Variants in FAT3 observed in about 807,000 individuals in gnomAD.
FAT3 encodes FAT atypical cadherin 3, also known as protocadherin Fat 3.
Under a neutral mutation model 310.2 loss-of-function variants are expected in FAT3, and 95 were observed. That is an observed-to-expected ratio of 0.31 (90% CI 0.26 to 0.36). The LOEUF (loss-of-function observed/expected upper bound fraction) is 0.36, where lower values mean the gene tolerates loss of function less well. FAT3 is among the 10% of genes least tolerant of loss of function. The probability of loss-of-function intolerance (pLI) is 1.00; values close to 1 mark genes in which losing one functional copy is unlikely to be tolerated. For missense variants in FAT3, 5,408 were observed against 5,715.6 expected (o/e 0.95, Z 1.74); for synonymous variants, 2,314 against 2,192.9 (o/e 1.06, Z -1.54).
chr11:92,383,567 G>A (rs1949551096), intron 2 of FAT3, among the ~76,000 whole-genome samples: 1 of 152,210 alleles, frequency 6.6e-6, no homozygotes, highest in African/African-American at 2.4e-5. Flanking sequence ...GAAAAATGTT[G>A]ATGGATACAA....
rs2186981 is a variant in FAT3 at position 92,433,224 on chromosome 11, C to A, written c.3292+77820C>A. Among the ~76,000 whole-genome samples, 1,239 of 152,258 alleles carry A rather than the reference C, an allele frequency of 8.1e-3. 11 individuals are homozygous for A. Among genetic ancestry groups the A allele is most frequent in the African/African-American group, 0.029 (1,198 of 41,552 alleles). On this transcript the variant is annotated intron_variant, in intron 2 of 27. Transcript: ENST00000525166. ...CCACTTGGCTCCCTGGCTTCAGCTG[C>A]CTTTCCAGGGGAGTGAACGGTTCTG...
intron 3 of FAT3, among the ~76,000 whole-genome samples, chr11:92,598,065 C>A (rs1591502381): frequency 6.6e-6 from 1 of 151,830 alleles, no homozygotes; most frequent in South Asian, 2.1e-4. Flanking sequence ...ATGAGAAGAA[C>A]ATGATTTTGT....
intron 14 of FAT3, among the ~76,000 whole-genome samples, chr11:92,833,922 C>T (rs1639139176): frequency 6.6e-6 from 1 of 152,142 alleles, no homozygotes; most frequent in Non-Finnish European, 1.5e-5. Context: ...GAAAGAGGCT[C>T]TTGTTACAGG....
intron 1 of FAT3, among the ~76,000 whole-genome samples, chr11:92,284,260 G>C (rs923859555): frequency 1.3e-5 from 2 of 151,994 alleles, no homozygotes; most frequent in African/African-American, 4.8e-5. Context: ...AGGTAGGAAA[G>C]TGTAAAAGGG....
In FAT3 at chr11:92,353,893, G is replaced by A. The variant is rs758281021; in HGVS notation, c.1781G>A (p.Gly594Asp). The A allele has an allele frequency of 6.2e-7, 1 of 1,613,248 alleles. No individual in the cohort carries two copies. The highest frequency in any genetic ancestry group is 8.5e-7 in the Non-Finnish European group (1 of 1,179,440). The change falls in exon 2 of 28, where the codon GGT (glycine) becomes GAT (aspartate). Residue 594 changes from glycine (G) to aspartate (D), a missense_variant. Coordinates refer to ENST00000525166, the MANE Select transcript of FAT3 (RefSeq NM_001367949.2). ...GTTATTTCATATGACTTTCCAGTTG[G>A]TGGTCACATCACAGCAGTCTCAGCG... is the stretch of plus-strand genomic sequence containing the variant. ...QGVISYDFPV[G>D]GHITAVSAID...
At chr11:92,622,120 T>A (rs1308227595) in intron 3 of FAT3, among the ~76,000 whole-genome samples, 1 of 152,152 alleles carries the variant, frequency 6.6e-6, no homozygotes, top group Non-Finnish European at 1.5e-5. Context: ...ACCCCGTCTC[T>A]ACTAAAAATA....
chr11:92,369,900 C>T (rs1949139354), intron 2 of FAT3, among the ~76,000 whole-genome samples: 1 of 152,102 alleles, frequency 6.6e-6, no homozygotes, highest in African/African-American at 2.4e-5. Context: ...GAGCTTTGGT[C>T]TCACTGCTTT....
intron 3 of FAT3, among the ~76,000 whole-genome samples, chr11:92,549,621 C>T (rs1954732830): frequency 6.6e-6 from 1 of 152,026 alleles, no homozygotes; most frequent in Admixed American, 6.6e-5. Flanking sequence ...TTATCTTTGC[C>T]AAACATACTT....
chr11:92,461,928 C>T (rs1318512716), intron 2 of FAT3, among the ~76,000 whole-genome samples: 1 of 152,090 alleles, frequency 6.6e-6, no homozygotes, highest in Non-Finnish European at 1.5e-5. Context: ...GAAGGTACTC[C>T]CACCCTTGAT....
rs1205850404 is a variant in FAT3 at position 92,800,411 on chromosome 11, T to A, written c.7398T>A (p.Ser2466Arg). 4.3e-6 allele frequency: 7 copies of A among 1,613,832 alleles called. No homozygotes were observed. Among genetic ancestry groups the A allele is most frequent in the Non-Finnish European group, 5.9e-6 (7 of 1,179,876 alleles). The change falls in exon 10 of 28, where the codon AGT (serine) becomes AGA (arginine). Residue 2466 changes from serine (S) to arginine (R), a missense_variant. Ser to Arg is a moderately radical substitution (Grantham distance 110, BLOSUM62 -1). Coordinates refer to ENST00000525166, the MANE Select transcript of FAT3 (RefSeq NM_001367949.2). The part of the protein sequence containing the change: ...HRKQRMEPLY[S>R]LNVSVSDGLF... ...AGCAGCGGATGGAGCCTCTGTACAGTCTCAATGTGTCTGTCTCTGATGGGT... is the reference window on the plus strand; with the variant it reads ...AGCAGCGGATGGAGCCTCTGTACAGACTCAATGTGTCTGTCTCTGATGGGT...
At chr11:92,619,429 T>C (rs1367585397) in intron 3 of FAT3, among the ~76,000 whole-genome samples, 5 of 152,160 alleles carry the variant, frequency 3.3e-5, no homozygotes, top group Admixed American at 3.3e-4. Context: ...TTGTGAAGAA[T>C]TGGTATTAAT....
At chr11:92,658,288 T>TA (rs1300479456) in intron 3 of FAT3, among the ~76,000 whole-genome samples, 1 of 152,216 alleles carries the variant, frequency 6.6e-6, no homozygotes, top group Non-Finnish European at 1.5e-5. Flanking sequence ...AAAGTGGAAT[T>TA]AAATATAAGT....
chr11:92,870,453 C>G (rs977976064), intron 22 of FAT3, among the ~76,000 whole-genome samples: 2 of 152,034 alleles, frequency 1.3e-5, no homozygotes, highest in Non-Finnish European at 2.9e-5. Flanking sequence ...AGAGAAGGCT[C>G]TCTCTCGGTA....
chr11:92,530,088 A>G (rs1954016182), intron 3 of FAT3, among the ~76,000 whole-genome samples: 1 of 152,182 alleles, frequency 6.6e-6, no homozygotes, highest in South Asian at 2.1e-4. Flanking sequence ...GCTTATTAAA[A>G]TATTGGATGT....
chr11:92,625,757 C>T (rs1941305145), intron 3 of FAT3, among the ~76,000 whole-genome samples: 1 of 147,110 alleles, frequency 6.8e-6, no homozygotes, highest in African/African-American at 2.5e-5. Context: ...TTTTTTTGAA[C>T]AGGATAGTCA....
At chr11:92,474,626 G>T (rs990089525) in intron 2 of FAT3, among the ~76,000 whole-genome samples, 1 of 152,144 alleles carries the variant, frequency 6.6e-6, no homozygotes, top group Non-Finnish European at 1.5e-5. Context: ...GAGAACAGGA[G>T]ACTCCAGGAG....
At chr11:92,446,334 TG>T (rs929976600) in intron 2 of FAT3, among the ~76,000 whole-genome samples, 1 of 152,184 alleles carries the variant, frequency 6.6e-6, no homozygotes, top group African/African-American at 2.4e-5. Flanking sequence ...TGAGAGATGC[TG>T]GGCAACTCAG....
At chr11:92,317,656 T>C (rs1196900067) in intron 1 of FAT3, among the ~76,000 whole-genome samples, 1 of 152,190 alleles carries the variant, frequency 6.6e-6, no homozygotes, top group Admixed American at 6.5e-5. Flanking sequence ...TGCCTGGTGC[T>C]TTTTTAGCAC....
At chr11:92,795,760 T>C (rs892926847) in intron 9 of FAT3, among the ~76,000 whole-genome samples, 12 of 151,910 alleles carry the variant, frequency 7.9e-5, no homozygotes, top group African/African-American at 2.9e-4. Context: ...ACATGAAAAT[T>C]AGCCAGGTGT....
Sources: allele counts gnomAD v4.1 joint callset (sites outside exome capture counted in the v4.1 genomes callset), GRCh38; gene constraint gnomAD v4.1.1; transcripts MANE v1.5; gene names NCBI Gene and HGNC (gene_info 2026-07-23, HGNC 2026-07-21).